Variants in ODR4 observed in about 807,000 individuals in gnomAD.
ODR4 encodes the protein protein odr-4 homolog.
ODR4 carries 47 observed loss-of-function variants against 60.2 expected under a neutral mutation model. The observed-to-expected ratio is 0.78, with a 90% confidence interval of 0.62 to 1.00. ODR4 has a LOEUF of 1.00. Ranked by LOEUF, ODR4 falls within the 50% of genes least tolerant of loss-of-function variation. The probability of loss-of-function intolerance (pLI) is 0.00; values close to 1 mark genes in which losing one functional copy is unlikely to be tolerated. For synonymous variants in ODR4, 178 were observed against 175.5 expected (o/e 1.01, Z -0.11); for missense variants, 488 against 530.8 (o/e 0.92, Z 0.79).
chr1:186,419,159 T>A lies in ODR4; in HGVS notation c.*83T>A. ...AATAAAGATGTTAACAATCCATCTG[T>A]ATTTAAAACACTAGCAGCCAGATCT... On this transcript the variant is annotated 3_prime_UTR_variant, in exon 14 of 14. Transcript: ENST00000287859. The A allele has an allele frequency of 8.2e-7, 1 of 1,218,382 alleles. No individual in the cohort carries two copies. The highest frequency in any genetic ancestry group is 1.2e-6 in the Non-Finnish European group (1 of 847,012). 75.5% of individuals were successfully genotyped at this position (1,218,382 alleles called of 1,614,324 possible). A position where few individuals can be genotyped will look rare whatever the true frequency, so the allele number is the denominator to read the frequency against.
At chr1:186,413,442 T>C (rs1413647513) in intron 12 of ODR4, among the ~76,000 whole-genome samples, 1 of 152,142 alleles carries the variant, frequency 6.6e-6, no homozygotes, top group Non-Finnish European at 1.5e-5. Context: ...TTAAATGACT[T>C]AAGAGATGAA....
chr1:186,412,476 A>T (rs377510905), intron 12 of ODR4, among the ~76,000 whole-genome samples: 1 of 152,166 alleles, frequency 6.6e-6, no homozygotes, highest in Non-Finnish European at 1.5e-5. Flanking sequence ...ACCTAGAAGT[A>T]TAAGTTTCAT....
rs762174294 is a variant in ODR4, at chr1:186,375,870, G to A, written c.-124G>A. On this transcript the variant is annotated 5_prime_UTR_variant, in exon 1 of 14. Coordinates refer to ENST00000287859, the MANE Select transcript of ODR4 (RefSeq NM_017847.6). Reference sequence around the variant, plus strand: ...TCAGTGGCAGTGAATTGAGACCGGAGGGAATCTGGCCCCTAGAGGCTGGTA... The same window carrying A: ...TCAGTGGCAGTGAATTGAGACCGGAAGGAATCTGGCCCCTAGAGGCTGGTA... 4 of 217,746 alleles carry A rather than the reference G, an allele frequency of 1.8e-5. No homozygotes were observed. Among genetic ancestry groups the A allele is most frequent in the Non-Finnish European group, 4.1e-5 (4 of 98,176 alleles). 13.5% of individuals were successfully genotyped at this position (217,746 alleles called of 1,614,324 possible).
intron 13 of ODR4, 73 bp from the exon 14 acceptor site, chr1:186,418,936 A>C (rs1451825022): frequency 3.1e-6 from 4 of 1,302,964 alleles, no homozygotes; most frequent in Non-Finnish European, 4.3e-6. Context: ...CCCACATTTC[A>C]GAGCCTAGGA....
rs1469133616 is a variant in ODR4 at position 186,390,710 on chromosome 1, G to A, written c.475-1G>A. ...TATTTTTCTCCCTTCTCCACTGCTA[G>A]AGTTCAGCAAGACCAGCAGATTGGA... On this transcript the variant is annotated splice_acceptor_variant, in intron 6 of 13. Coordinates refer to ENST00000287859, the MANE Select transcript of ODR4 (RefSeq NM_017847.6). LOFTEE classifies it high-confidence loss of function. The A allele has an allele frequency of 2.5e-6, 4 of 1,613,166 alleles. No individual in the cohort carries two copies. The African/African-American group carries it at 5.3e-5, about 22-fold the overall frequency.
chr1:186,383,965 G>A (rs546702024), intron 3 of ODR4, among the ~76,000 whole-genome samples: 6 of 152,200 alleles, frequency 3.9e-5, no homozygotes, highest in African/African-American at 1.4e-4. Flanking sequence ...CTTGAACCTG[G>A]GAGGCGGAGG....
At chr1:186,379,725 A>G (rs1659952737) in intron 1 of ODR4, 42 bp from the exon 2 acceptor site, 7 of 1,052,564 alleles carry the variant, frequency 6.7e-6, no homozygotes, top group Admixed American at 2.3e-5. Flanking sequence ...ATTGCAAATG[A>G]TATTTTACCT....
the ODR4 span, among the ~76,000 whole-genome samples, chr1:186,428,128 C>T: frequency 6.6e-6 from 1 of 152,172 alleles, no homozygotes; most frequent in Non-Finnish European, 1.5e-5. Flanking sequence ...TCCTTTGAAG[C>T]TTTGAAGTCA....
At chr1:186,415,410 T>C (rs1337443330) in intron 12 of ODR4, among the ~76,000 whole-genome samples, 1 of 152,232 alleles carries the variant, frequency 6.6e-6, no homozygotes, top group Non-Finnish European at 1.5e-5. Context: ...GCTATTTTAC[T>C]TTAAATTTAA....
chr1:186,432,764 C>T, the ODR4 span, among the ~76,000 whole-genome samples: 1 of 151,618 alleles, frequency 6.6e-6, no homozygotes, highest in Non-Finnish European at 1.5e-5. Flanking sequence ...GCCACCACAC[C>T]CCCTGCAGTG....
chr1:186,406,557 C>T (rs186669980), intron 12 of ODR4, among the ~76,000 whole-genome samples: 1 of 152,220 alleles, frequency 6.6e-6, no homozygotes, highest in African/African-American at 2.4e-5. Flanking sequence ...GGTAAAATTA[C>T]AAAGCTTTAA....
At chr1:186,400,766 C>T (rs934164491) in intron 11 of ODR4, 3 of 301,818 alleles carry the variant, frequency 9.9e-6, no homozygotes, top group Non-Finnish European at 1.2e-5. Flanking sequence ...TTATCCTTCT[C>T]GTAATTCACA....
At chr1:186,430,215 A>G in the ODR4 span, among the ~76,000 whole-genome samples, 393 of 152,134 alleles carry the variant, frequency 2.6e-3, 3 homozygotes, top group Non-Finnish European at 7.7e-4. Context: ...GAAGTAGATT[A>G]TTTCTTCTTT....
intron 12 of ODR4, among the ~76,000 whole-genome samples, chr1:186,413,448 A>T (rs1274043618): frequency 1.3e-5 from 2 of 152,156 alleles, no homozygotes; most frequent in African/African-American, 4.8e-5. Context: ...GACTTAAGAG[A>T]TGAAGAACAA....
At chr1:186,397,116 T>C (rs1213992069) in intron 9 of ODR4, among the ~76,000 whole-genome samples, 1 of 152,214 alleles carries the variant, frequency 6.6e-6, no homozygotes, top group Non-Finnish European at 1.5e-5. Flanking sequence ...TTGACCATCT[T>C]AAAGTTTAAA....
chr1:186,415,258 A>T (rs1477094430), intron 12 of ODR4, among the ~76,000 whole-genome samples: 3 of 151,222 alleles, frequency 2.0e-5, no homozygotes, highest in African/African-American at 7.4e-5. Context: ...AATTAATGAG[A>T]AGTAGGTAAT....
At chr1:186,417,424 A>G in intron 12 of ODR4, 120 bp from the exon 13 acceptor site, 1 of 669,616 alleles carries the variant, frequency 1.5e-6, no homozygotes, top group South Asian at 1.8e-5. Context: ...TATGTTATAT[A>G]AAAAACAAGT....
chr1:186,391,340 A>C (rs570442292), intron 7 of ODR4, among the ~76,000 whole-genome samples: 1 of 58,116 alleles, frequency 1.7e-5, no homozygotes, highest in South Asian at 1.0e-3. Context: ...AAGATGTCAA[A>C]TAGAGCTTTT....
intron 2 of ODR4, among the ~76,000 whole-genome samples, chr1:186,382,268 AAG>A (rs1356464692): frequency 4.0e-5 from 6 of 151,240 alleles, no homozygotes; most frequent in African/African-American, 1.5e-4. Flanking sequence ...AAAAAAAAAA[AAG>A]CCAGGCATTA....
Sources: allele counts gnomAD v4.1 joint callset (sites outside exome capture counted in the v4.1 genomes callset), GRCh38; gene constraint gnomAD v4.1.1; transcripts MANE v1.5; gene names NCBI Gene and HGNC (gene_info 2026-07-23, HGNC 2026-07-21).